NAALADL2: variants seen among roughly 807,000 people sequenced by gnomAD.
NAALADL2 encodes the protein N-acetylated alpha-linked acidic dipeptidase like 2.
A neutral mutation model predicts 87.2 loss-of-function variants in NAALADL2; 76 were observed. The observed-to-expected ratio is 0.87, with a 90% confidence interval of 0.72 to 1.05. The LOEUF is 1.05. Ranked by LOEUF, NAALADL2 falls within the 50% of genes least tolerant of loss-of-function variation. The pLI is 0.00. For missense variants in NAALADL2, 1,089 were observed against 945.8 expected (o/e 1.15, Z -1.99); for synonymous variants, 354 against 331.0 (o/e 1.07, Z -0.75).
chr3:175,075,466 G>A (rs1265375001), intron 1 of NAALADL2, among the ~76,000 whole-genome samples: 1 of 152,122 alleles, frequency 6.6e-6, no homozygotes, highest in African/African-American at 2.4e-5. Context: ...TTTAATGCCT[G>A]TATTTCTCCA....
At chr3:175,199,864 A>T (rs953100121) in intron 2 of NAALADL2, among the ~76,000 whole-genome samples, 182 of 12,996 alleles carry the variant, frequency 0.014, 2 homozygotes, top group African/African-American at 0.017. Flanking sequence ...ATATATATAT[A>T]TTTTTTTTTT....
At chr3:174,549,617 T>G (rs2108487599) in intron 1 of NAALADL2, among the ~76,000 whole-genome samples, 1 of 152,382 alleles carries the variant, frequency 6.6e-6, no homozygotes, top group Non-Finnish European at 1.5e-5. Context: ...TTACTTATTT[T>G]ATGGCATACA....
At chr3:175,109,346 A>G (rs1473172938) in intron 2 of NAALADL2, among the ~76,000 whole-genome samples, 1 of 151,900 alleles carries the variant, frequency 6.6e-6, no homozygotes, top group Non-Finnish European at 1.5e-5. Flanking sequence ...ATTCATGTTA[A>G]CAAATATTTA....
At chr3:175,800,528 ATCTC>A (rs1297632787) in intron 13 of NAALADL2, among the ~76,000 whole-genome samples, 5 of 152,092 alleles carry the variant, frequency 3.3e-5, no homozygotes, top group Admixed American at 6.6e-5. Flanking sequence ...CATTGAAATA[ATCTC>A]TCTATTCAAG....
chr3:174,816,956 A>G (rs1720880508), intron 3 of NAALADL2, among the ~76,000 whole-genome samples: 2 of 152,228 alleles, frequency 1.3e-5, no homozygotes, highest in South Asian at 4.1e-4. Flanking sequence ...GGAGAAAACC[A>G]TCATTAATAA....
intron 1 of NAALADL2, among the ~76,000 whole-genome samples, chr3:174,999,929 C>T (rs999837819): frequency 6.6e-6 from 1 of 151,962 alleles, no homozygotes; most frequent in African/African-American, 2.4e-5. Flanking sequence ...TAGTTTTAGT[C>T]TTAATTACCT....
intron 2 of NAALADL2, among the ~76,000 whole-genome samples, chr3:175,139,548 G>C (rs775202960): frequency 6.6e-6 from 1 of 151,682 alleles, no homozygotes; most frequent in African/African-American, 2.4e-5. Flanking sequence ...GAAATGCTAC[G>C]TAGATGATTC....
At chr3:175,244,045 G>A (rs966526337) in intron 3 of NAALADL2, among the ~76,000 whole-genome samples, 7 of 152,098 alleles carry the variant, frequency 4.6e-5, no homozygotes, top group Non-Finnish European at 1.0e-4. Flanking sequence ...ACACAGCAAC[G>A]ATGTCTCTCC....
chr3:175,655,527 T>C (rs1296585979), intron 11 of NAALADL2: 5 of 293,960 alleles, frequency 1.7e-5, no homozygotes, highest in Non-Finnish European at 3.4e-5. Context: ...TGGTATGTAC[T>C]CTATGATTGC....
At chr3:174,672,938 G>A (rs1379238147) in intron 2 of NAALADL2, among the ~76,000 whole-genome samples, 1 of 150,722 alleles carries the variant, frequency 6.6e-6, no homozygotes, top group East Asian at 2.0e-4. Flanking sequence ...TACAGTGAAA[G>A]GGGAAACTGT....
At chr3:175,226,981 A>G (rs769081666) in intron 2 of NAALADL2, among the ~76,000 whole-genome samples, 9 of 152,124 alleles carry the variant, frequency 5.9e-5, no homozygotes, top group Non-Finnish European at 1.3e-4. Context: ...CAATTCAAAT[A>G]ACAACCTAAT....
intron 13 of NAALADL2, among the ~76,000 whole-genome samples, chr3:175,801,494 C>T (rs1754138170): frequency 6.6e-6 from 1 of 152,026 alleles, no homozygotes; most frequent in Admixed American, 6.6e-5. Flanking sequence ...TGTGTCTTTG[C>T]TTATGCCATT....
intron 3 of NAALADL2, among the ~76,000 whole-genome samples, chr3:175,250,972 C>A (rs531571870): frequency 4.6e-5 from 7 of 152,192 alleles, no homozygotes; most frequent in African/African-American, 1.7e-4. Flanking sequence ...CGCTTTATGG[C>A]ACCCATAAAA....
intron 4 of NAALADL2, among the ~76,000 whole-genome samples, chr3:175,321,887 A>C (rs1207252849): frequency 1.4e-5 from 2 of 140,286 alleles, no homozygotes; most frequent in Non-Finnish European, 3.1e-5. Flanking sequence ...AGGAAGAATC[A>C]ATATCGTGAA....
At chr3:174,932,724 G>T (rs1023079211) in intron 1 of NAALADL2, among the ~76,000 whole-genome samples, 10 of 152,082 alleles carry the variant, frequency 6.6e-5, no homozygotes, top group African/African-American at 2.4e-4. Context: ...CTTTAACACT[G>T]CTTAAAATTC....
At chr3:174,898,814 T>C (rs900914576) in intron 1 of NAALADL2, among the ~76,000 whole-genome samples, 1 of 152,148 alleles carries the variant, frequency 6.6e-6, no homozygotes, top group Non-Finnish European at 1.5e-5. Context: ...GGTAAAATTC[T>C]AAAAGAAAAG....
At chr3:175,113,892 T>C (rs544866863) in intron 2 of NAALADL2, among the ~76,000 whole-genome samples, 126 of 151,770 alleles carry the variant, frequency 8.3e-4, no homozygotes, top group Admixed American at 1.5e-3. Context: ...AGGCTGTTTG[T>C]TACATACACA....
chr3:174,883,316 C>T (rs1010730420), intron 1 of NAALADL2, among the ~76,000 whole-genome samples: 1 of 152,212 alleles, frequency 6.6e-6, no homozygotes, highest in East Asian at 1.9e-4. Flanking sequence ...TCAGTATTAA[C>T]CATCACAAGT....
intron 3 of NAALADL2, among the ~76,000 whole-genome samples, chr3:174,821,024 T>C (rs1392487440): frequency 2.6e-5 from 4 of 152,172 alleles, no homozygotes; most frequent in African/African-American, 9.6e-5. Context: ...CAGGTCAACA[T>C]TCTCAAGTGC....
Sources: allele counts gnomAD v4.1 joint callset (sites outside exome capture counted in the v4.1 genomes callset), GRCh38; gene constraint gnomAD v4.1.1; transcripts MANE v1.5; gene names NCBI Gene and HGNC (gene_info 2026-07-23, HGNC 2026-07-21).